The following USP32 variants were observed in gnomAD, a reference collection of about 807,000 sequenced individuals.
USP32 encodes the protein ubiquitin carboxyl-terminal hydrolase 32.
A neutral mutation model predicts 204.8 loss-of-function variants in USP32; 59 were observed. The observed-to-expected ratio is 0.29, with a 90% CI of 0.23 to 0.36. The LOEUF (loss-of-function observed/expected upper bound fraction) is 0.36. Ranked by LOEUF, USP32 falls within the 10% of genes least tolerant of loss-of-function variation. The pLI is 1.00. For missense variants in USP32, 1,160 were observed against 1,946.4 expected, an observed-to-expected ratio of 0.60 and a Z score of 7.60; for synonymous variants, 517 against 678.4, an observed-to-expected ratio of 0.76 and a Z score of 3.70.
At chr17:60,204,852 CA>C (rs2084782524) in intron 26 of USP32, among the ~76,000 whole-genome samples, 1 of 151,932 alleles carries the variant, frequency 6.6e-6, no homozygotes. Flanking sequence ...TGGCTCACTG[CA>C]GCTTTGACCT....
At chr17:60,234,543 C>G (rs2085666764) in intron 12 of USP32, among the ~76,000 whole-genome samples, 1 of 151,280 alleles carries the variant, frequency 6.6e-6, no homozygotes, top group African/African-American at 2.4e-5. Flanking sequence ...CTGGCTAACA[C>G]AGTGAAGCCC....
At chr17:60,267,903 CA>C in intron 7 of USP32, among the ~76,000 whole-genome samples, 1 of 151,788 alleles carries the variant, frequency 6.6e-6, no homozygotes, top group Middle Eastern at 3.5e-3. Context: ...CTCCACCTCC[CA>C]GGTTCAAGCA....
chr17:60,207,365 G>A (rs1286604459), intron 24 of USP32, among the ~76,000 whole-genome samples: 1 of 151,864 alleles, frequency 6.6e-6, no homozygotes, highest in Admixed American at 6.6e-5. Flanking sequence ...TGTTATATAC[G>A]ACTGACTTCA....
At chr17:60,322,149 C>A (rs566446270) in intron 2 of USP32, among the ~76,000 whole-genome samples, 22 of 151,984 alleles carry the variant, frequency 1.4e-4, no homozygotes, top group Non-Finnish European at 2.9e-4. Context: ...TTAAAGTGAA[C>A]TGAGTAGGTA....
intron 9 of USP32, among the ~76,000 whole-genome samples, chr17:60,264,857 C>CAAAA (rs34027846): frequency 6.0e-4 from 26 of 43,364 alleles, no homozygotes; most frequent in Non-Finnish European, 9.5e-4. Flanking sequence ...AAGACTCTGT[C>CAAAA]AAAAAAAAAA....
At chr17:60,209,725 C>A (rs1451805956) in intron 21 of USP32, among the ~76,000 whole-genome samples, 182 bp from the exon 22 acceptor site, 1 of 151,094 alleles carries the variant, frequency 6.6e-6, no homozygotes, top group Admixed American at 6.6e-5. Flanking sequence ...GTCAAATGAC[C>A]CCCCCCAAAA....
At chr17:60,315,255 C>A (rs973177250) in intron 2 of USP32, among the ~76,000 whole-genome samples, 2 of 152,118 alleles carry the variant, frequency 1.3e-5, no homozygotes, top group African/African-American at 4.8e-5. Context: ...AAAAAATTAG[C>A]CAGGCGTGGC....
At position 60,213,574 on chromosome 17, in the gene USP32, C is replaced by T; in HGVS notation, c.2104+7G>A. The T allele has an allele frequency of 8.2e-7, 1 of 1,217,178 alleles. No individual in the cohort carries two copies. Among genetic ancestry groups the T allele is most frequent in the Non-Finnish European group, 1.1e-6 (1 of 879,956 alleles). 75.4% of individuals were successfully genotyped at this position (1,217,178 alleles called of 1,614,324 possible). ...ATTTAATATAGATGCATGCTTCCAT[C>T]TTGTACCTTCAATTACCAGGTGTTG... On this transcript the variant is annotated splice_region_variant and intron_variant, in intron 18 of 33. Coordinates refer to ENST00000300896, the MANE Select transcript of USP32 (RefSeq NM_032582.4).
At chr17:60,269,802 T>C (rs374678378) in intron 6 of USP32, among the ~76,000 whole-genome samples, 4 of 152,144 alleles carry the variant, frequency 2.6e-5, no homozygotes, top group Admixed American at 2.6e-4. Flanking sequence ...TCTATATTTA[T>C]CTTACATCAT....
Position 60,312,658 on chromosome 17 carries a change from A to AAAATTTATCCTGAC in USP32, c.187-10968_187-10955dup, listed in dbSNP as rs563499395. 2.5e-3 allele frequency among the ~76,000 whole-genome samples: 379 copies of AAAATTTATCCTGAC among 152,220 alleles called. 1 individual carries two copies. Among genetic ancestry groups the AAAATTTATCCTGAC allele is most frequent in the Non-Finnish European group, 3.6e-3 (245 of 68,012 alleles). Reference sequence around the variant, plus strand: ...GATCTTACTATGTTGCCCAGGCTAAAAAATTTATCCTGACTGACACAGAGT... The same window carrying AAAATTTATCCTGAC: ...GATCTTACTATGTTGCCCAGGCTAAAAAATTTATCCTGACAAATTTATCCTGACTGACACAGAGT... On this transcript the variant is annotated intron_variant, in intron 2 of 33. Coordinates refer to ENST00000300896, the MANE Select transcript of USP32 (RefSeq NM_032582.4).
At position 60,243,959 on chromosome 17, in the gene USP32, G is replaced by T. The variant is rs76440729; in HGVS notation, c.1137-7719C>A. On this transcript the variant is annotated intron_variant, in intron 11 of 33. Transcript: ENST00000300896. ...TTTTAGTTCACGTATGGCTATATTTGTATGGTTTTATCTTTTATTCTTTTA... is the reference window on the plus strand; with the variant it reads ...TTTTAGTTCACGTATGGCTATATTTTTATGGTTTTATCTTTTATTCTTTTA... 9.6e-3 allele frequency among the ~76,000 whole-genome samples: 1,423 copies of T among 147,650 alleles called. 33 individuals carry two copies. The highest frequency in any genetic ancestry group is 0.034 in the African/African-American group (1,369 of 39,836).
chr17:60,410,038 C>A (rs1019237248), intron 1 of USP32, among the ~76,000 whole-genome samples: 46 of 152,268 alleles, frequency 3.0e-4, no homozygotes, highest in Admixed American at 2.0e-3. Flanking sequence ...GAAAAACTAA[C>A]AAACTAGCTA....
rs543504996 is a variant in USP32 at position 60,273,378 on chromosome 17, T to C, written c.572-1897A>G. Among the ~76,000 whole-genome samples, 44 of 152,248 alleles carry C rather than the reference T, an allele frequency of 2.9e-4. 1 individual carries two copies. In the Middle Eastern group the frequency reaches 0.014, roughly 47 times the overall value. ...TGAAGTGGAAACACATTGTTGGACA[T>C]TGGGAGCATTTGTGAACTCCAGAGG... is the stretch of plus-strand genomic sequence containing the variant. On this transcript the variant is annotated intron_variant, in intron 5 of 33. Coordinates refer to ENST00000300896, the MANE Select transcript of USP32 (RefSeq NM_032582.4).
intron 5 of USP32, among the ~76,000 whole-genome samples, chr17:60,276,327 G>A (rs1230677961): frequency 4.6e-5 from 7 of 152,122 alleles, no homozygotes; most frequent in Non-Finnish European, 1.0e-4. Flanking sequence ...TATTTAAAAG[G>A]AGAGAGTATT....
intron 9 of USP32, among the ~76,000 whole-genome samples, chr17:60,259,978 C>T (rs2086413323): frequency 1.3e-5 from 2 of 152,032 alleles, no homozygotes; most frequent in South Asian, 4.1e-4. Flanking sequence ...TAGTTTTGTT[C>T]TATACCCTTT....
At chr17:60,328,038 C>G (rs1168786277) in intron 2 of USP32, among the ~76,000 whole-genome samples, 1 of 152,248 alleles carries the variant, frequency 6.6e-6, no homozygotes, top group Non-Finnish European at 1.5e-5. Context: ...AGGCAGCAGA[C>G]AGGCTCCTGG....
At chr17:60,369,018 G>C (rs1286909000) in intron 1 of USP32, among the ~76,000 whole-genome samples, 1 of 98,878 alleles carries the variant, frequency 1.0e-5, no homozygotes, top group East Asian at 2.3e-4. Context: ...TTTTTGAGAC[G>C]GAGTCTCGCT....
chr17:60,369,256 A>G (rs1222526196), intron 1 of USP32, among the ~76,000 whole-genome samples: 1 of 137,868 alleles, frequency 7.3e-6, no homozygotes, highest in East Asian at 2.0e-4. Context: ...GGCCTCCCAA[A>G]GTGCTGGGAT....
chr17:60,364,524 G>A (rs534378645), intron 1 of USP32, among the ~76,000 whole-genome samples: 4 of 152,172 alleles, frequency 2.6e-5, no homozygotes, highest in South Asian at 2.1e-4. Context: ...AGATAGGTGC[G>A]CGCCACCATG....
Sources: allele counts gnomAD v4.1 joint callset (sites outside exome capture counted in the v4.1 genomes callset), GRCh38; gene constraint gnomAD v4.1.1; transcripts MANE v1.5; gene names NCBI Gene and HGNC (gene_info 2026-07-23, HGNC 2026-07-21).